The following CRADD variants were observed in gnomAD, a reference collection of about 807,000 sequenced individuals.
CRADD encodes the protein CARD and death domain containing adaptor protein, also known as death domain-containing protein CRADD.
A neutral mutation model predicts 15.5 loss-of-function variants in CRADD; 9 were observed. That is an observed-to-expected ratio of 0.58 (90% CI 0.35 to 1.01). The LOEUF is 1.01. Ranked by LOEUF, CRADD falls within the 50% of genes least tolerant of loss-of-function variation. The probability of loss-of-function intolerance (pLI) is 0.02; values close to 1 mark genes in which losing one functional copy is unlikely to be tolerated. For synonymous variants in CRADD, 118 were observed against 107.6 expected (o/e 1.10, Z -0.60); for missense variants, 227 against 250.3 (o/e 0.91, Z 0.63).
chr12:93,790,317 G>T (rs1001850153), intron 2 of CRADD, among the ~76,000 whole-genome samples: 2 of 151,958 alleles, frequency 1.3e-5, no homozygotes, highest in Non-Finnish European at 2.9e-5. Flanking sequence ...AACTATAGGT[G>T]GGGGGAGGGG....
At chr12:93,720,466 C>T (rs1349841269) in intron 2 of CRADD, among the ~76,000 whole-genome samples, 1 of 151,984 alleles carries the variant, frequency 6.6e-6, no homozygotes, top group East Asian at 1.9e-4. Flanking sequence ...GAGTTTATGT[C>T]CTTCCTGATT....
At chr12:93,707,071 C>A (rs1245935157) in intron 2 of CRADD, among the ~76,000 whole-genome samples, 2 of 152,052 alleles carry the variant, frequency 1.3e-5, no homozygotes, top group Non-Finnish European at 2.9e-5. Flanking sequence ...TTCAGGATAC[C>A]CATTCAAAGT....
intron 2 of CRADD, among the ~76,000 whole-genome samples, chr12:93,703,957 G>A (rs895821911): frequency 1.1e-4 from 16 of 145,056 alleles, no homozygotes; most frequent in African/African-American, 2.3e-4. Flanking sequence ...CTCACTTACC[G>A]TCAAATTATT....
At chr12:93,819,338 A>C (rs1957743371) in intron 2 of CRADD, among the ~76,000 whole-genome samples, 1 of 152,240 alleles carries the variant, frequency 6.6e-6, no homozygotes, top group African/African-American at 2.4e-5. Context: ...GAACATCTAG[A>C]AACCAGCTCA....
intron 2 of CRADD, among the ~76,000 whole-genome samples, chr12:93,798,932 C>T (rs890015548): frequency 6.6e-6 from 1 of 152,082 alleles, no homozygotes; most frequent in African/African-American, 2.4e-5. Context: ...TGTAGCCTGG[C>T]TCTCTTACTG....
In CRADD at chr12:93,780,931, T is replaced by G. The variant is rs190855368; in HGVS notation, c.299-69039T>G. On this transcript the variant is annotated intron_variant, in intron 2 of 2. Coordinates refer to ENST00000332896, the MANE Select transcript of CRADD (RefSeq NM_003805.5). ...CCAGCTATTTTTTTTTTTTTTTGTA[T>G]TTTTAGTAGAGACACGGTTTTGCTA... 2.7e-3 allele frequency among the ~76,000 whole-genome samples: 407 copies of G among 150,522 alleles called. 2 individuals are homozygous for G. The highest frequency in any genetic ancestry group is 8.4e-3 in the African/African-American group (346 of 41,140).
intron 2 of CRADD, among the ~76,000 whole-genome samples, chr12:93,796,138 G>A (rs771875513): frequency 1.6e-4 from 25 of 151,704 alleles, no homozygotes; most frequent in Non-Finnish European, 3.4e-4. Flanking sequence ...TTTTTTCAAG[G>A]ACTTTTGAGC....
chr12:93,877,096 C>A (rs1459298200), intron 2 of CRADD, among the ~76,000 whole-genome samples: 1 of 152,192 alleles, frequency 6.6e-6, no homozygotes, highest in Non-Finnish European at 1.5e-5. Flanking sequence ...GGCCATGGGA[C>A]AAGATCTGGG....
intron 2 of CRADD, among the ~76,000 whole-genome samples, chr12:93,730,047 C>T (rs1182755615): frequency 6.6e-6 from 1 of 152,182 alleles, no homozygotes; most frequent in Non-Finnish European, 1.5e-5. Flanking sequence ...ACTACTATAT[C>T]ACTATCACTA....
intron 2 of CRADD, among the ~76,000 whole-genome samples, chr12:93,715,319 C>T (rs1956142991): frequency 6.6e-6 from 1 of 152,066 alleles, no homozygotes; most frequent in African/African-American, 2.4e-5. Flanking sequence ...ATGATATGTC[C>T]ATAACAGTAG....
At chr12:93,890,150 T>C (rs949046906) in intron 2 of CRADD, among the ~76,000 whole-genome samples, 2 of 152,262 alleles carry the variant, frequency 1.3e-5, no homozygotes, top group African/African-American at 2.4e-5. Flanking sequence ...GGTTTAACTC[T>C]AGCCAGGCTG....
intron 2 of CRADD, among the ~76,000 whole-genome samples, chr12:93,863,187 G>T (rs1026940680): frequency 6.6e-6 from 1 of 152,142 alleles, no homozygotes; most frequent in Non-Finnish European, 1.5e-5. Context: ...GAGGCAGTGG[G>T]CATTGTCTCT....
rs572776307 is a variant in CRADD, at chr12:93,842,356, G to A, written c.299-7614G>A. The stretch of plus-strand genomic sequence containing the variant: ...AGGAAGTACTGCTGCACAGAGATTC[G>A]TTAGAAGACATGGCTTTTTTTCTGG... On this transcript the variant is annotated intron_variant, in intron 2 of 2. Transcript: ENST00000332896. 3.3e-4 allele frequency among the ~76,000 whole-genome samples: 50 copies of A among 152,320 alleles called. No individual in the cohort carries two copies. In the South Asian group the frequency reaches 9.7e-3, roughly 30 times the overall value.
intron 2 of CRADD, among the ~76,000 whole-genome samples, chr12:93,739,026 A>G (rs895355125): frequency 5.3e-5 from 8 of 152,288 alleles, no homozygotes; most frequent in Non-Finnish European, 1.2e-4. Context: ...GTTTGGGAAT[A>G]GAGAGTTTTA....
At position 93,755,243 on chromosome 12, in the gene CRADD, A is replaced by G. The variant is rs148547011; in HGVS notation, c.298+76171A>G. 4.0e-3 allele frequency among the ~76,000 whole-genome samples: 612 copies of G among 152,222 alleles called. 10 individuals carry two copies. The highest frequency in any genetic ancestry group is 0.034 in the East Asian group (174 of 5,178). ...ATTATGGGAGCTACAATTCAAGATG[A>G]TATTTGGGTGGGGACACAGCCAAAC... On this transcript the variant is annotated intron_variant, in intron 2 of 2. Coordinates refer to ENST00000332896, the MANE Select transcript of CRADD (RefSeq NM_003805.5).
intron 2 of CRADD, among the ~76,000 whole-genome samples, chr12:93,723,263 A>G (rs1425305419): frequency 2.6e-5 from 4 of 152,246 alleles, no homozygotes; most frequent in African/African-American, 9.6e-5. Context: ...ATTCTGGCTC[A>G]GGAGTCATGT....
chr12:93,846,754 A>G (rs1300055242), intron 2 of CRADD, among the ~76,000 whole-genome samples: 5 of 152,170 alleles, frequency 3.3e-5, no homozygotes, highest in Non-Finnish European at 7.4e-5. Flanking sequence ...GAATGCAACC[A>G]TGTGACCCAG....
chr12:93,740,256 G>A lies in CRADD; in HGVS notation c.298+61184G>A, dbSNP rs527988406. ...AGTTGTTTATTAGCTATTTAACTTT[G>A]ATGAGCTGAAATGAGATAGTGAAGC... is the stretch of plus-strand genomic sequence containing the variant. On this transcript the variant is annotated intron_variant, in intron 2 of 2. Coordinates refer to ENST00000332896, the MANE Select transcript of CRADD (RefSeq NM_003805.5). 9.7e-4 allele frequency among the ~76,000 whole-genome samples: 148 copies of A among 152,196 alleles called. 2 individuals carry two copies. Among genetic ancestry groups the A allele is most frequent in the Admixed American group, 3.8e-3 (58 of 15,290 alleles).
At chr12:93,770,634 T>C (rs1432919703) in intron 2 of CRADD, among the ~76,000 whole-genome samples, 1 of 152,246 alleles carries the variant, frequency 6.6e-6, no homozygotes, top group Non-Finnish European at 1.5e-5. Flanking sequence ...TGGGTCCAGC[T>C]GTGGACTCCT....
Sources: gnomAD v4.1 joint callset for allele counts (sites outside exome capture counted in the v4.1 genomes callset) on GRCh38, gnomAD v4.1.1 for gene constraint, MANE v1.5 for transcripts, NCBI Gene and HGNC (gene_info 2026-07-23, HGNC 2026-07-21) for gene names.